ACACA: variants seen among roughly 807,000 people sequenced by gnomAD.
The protein encoded by ACACA is acetyl-CoA carboxylase alpha.
In ACACA, 103 loss-of-function variants were observed where a neutral mutation model predicts 296.1. That is an observed-to-expected ratio of 0.35 (90% CI 0.30 to 0.41). The LOEUF (loss-of-function observed/expected upper bound fraction) is 0.41. Ranked by LOEUF, ACACA falls within the 10% of genes least tolerant of loss-of-function variation. The pLI, the probability that ACACA is intolerant of heterozygous loss-of-function variation, is 1.00. For missense variants in ACACA, 1,554 were observed against 2,989.7 expected (o/e 0.52, Z 11.20); for synonymous variants, 953 against 1,038.6 (o/e 0.92, Z 1.58).
rs748601714 is a variant in ACACA, at chr17:37,087,293, C to A, written c.*23G>T. 1 of 1,613,812 alleles carries A rather than the reference C, an allele frequency of 6.2e-7. No individual in the cohort carries two copies. Among genetic ancestry groups the A allele is most frequent in the Non-Finnish European group, 8.5e-7 (1 of 1,180,024 alleles). Reference sequence around the variant, plus strand: ...CTAGCCCTTTTCTCCAGAGACAGGGCAGGGACAGGCAGGAAGCTCTTCCTA... The same window carrying A: ...CTAGCCCTTTTCTCCAGAGACAGGGAAGGGACAGGCAGGAAGCTCTTCCTA... On this transcript the variant is annotated 3_prime_UTR_variant, in exon 56 of 56. Transcript: ENST00000616317.
intron 48 of ACACA, among the ~76,000 whole-genome samples, chr17:37,123,980 C>T (rs2074651430): frequency 6.6e-6 from 1 of 152,180 alleles, no homozygotes; most frequent in South Asian, 2.1e-4. Context: ...CAGGCTAGCA[C>T]ATGAAGATGC....
chr17:37,350,824 C>T (rs1025970037), intron 1 of ACACA, among the ~76,000 whole-genome samples: 3 of 151,560 alleles, frequency 2.0e-5, no homozygotes, highest in African/African-American at 7.3e-5. Context: ...ACATGGCCCC[C>T]TTTTGTGCTT....
chr17:37,287,583 A>AAG (rs2082839505), intron 3 of ACACA, among the ~76,000 whole-genome samples: 1 of 145,738 alleles, frequency 6.9e-6, no homozygotes, highest in South Asian at 2.2e-4. Context: ...AAAAAAAAAA[A>AAG]AAAAAAACAA....
At position 37,274,518 on chromosome 17, in the gene ACACA, GAACT is replaced by G. The variant is rs1598377909; in HGVS notation, c.902-223_902-220del. 6.4e-6 allele frequency: 5 copies of G among 780,742 alleles called. No homozygotes were observed. In the Admixed American group the frequency reaches 1.9e-4, roughly 29 times the overall value. 48.4% of individuals were successfully genotyped at this position (780,742 alleles called of 1,614,324 possible). A position where few individuals can be genotyped will look rare whatever the true frequency, so the allele number is the denominator to read the frequency against. On this transcript the variant is annotated intron_variant, in intron 8 of 55. Transcript: ENST00000616317. Reference sequence around the variant, plus strand: ...TTCTTAACGCTGGCAAAAGCCAGCCGAACTAACAGGGAGCAACTTATAAAAATGC... The same window carrying G: ...TTCTTAACGCTGGCAAAAGCCAGCCGAACAGGGAGCAACTTATAAAAATGC...
intron 1 of ACACA, among the ~76,000 whole-genome samples, chr17:37,390,282 T>TATAATTATATATTATAC (rs1568095576): frequency 2.0e-5 from 1 of 51,194 alleles, no homozygotes; most frequent in South Asian, 7.0e-4. Context: ...ATATATTATA[T>TATAATTATATATTATAC]ATAATTATAT....
At chr17:37,370,593 G>A (rs1426245550) in intron 1 of ACACA, among the ~76,000 whole-genome samples, 2 of 151,544 alleles carry the variant, frequency 1.3e-5, no homozygotes, top group Non-Finnish European at 1.5e-5. Flanking sequence ...GGAGGTGGAC[G>A]TTGCAGTGAG....
intron 54 of ACACA, 22 bp from the exon 55 acceptor site, chr17:37,089,096 T>TCAAA (rs762673841): frequency 1.4e-5 from 22 of 1,614,032 alleles, no homozygotes; most frequent in African/African-American, 4.0e-5. Context: ...TGACTCTTGG[T>TCAAA]CAAACACCAG....
intron 16 of ACACA, among the ~76,000 whole-genome samples, 175 bp downstream of exon 16, chr17:37,251,830 A>G (rs1374725410): frequency 6.8e-6 from 1 of 146,574 alleles, no homozygotes; most frequent in Non-Finnish European, 1.5e-5. Flanking sequence ...TGACTCCCCA[A>G]ATAATTTGCC....
chr17:37,311,884 AAAGAAG>A (rs1167318236), intron 3 of ACACA, among the ~76,000 whole-genome samples: 23 of 151,780 alleles, frequency 1.5e-4, no homozygotes, highest in African/African-American at 5.6e-4. Context: ...AAAAAAAAAA[AAAGAAG>A]AAGAAGAAGG....
At chr17:37,208,545 T>C (rs1254251387) in intron 30 of ACACA, among the ~76,000 whole-genome samples, 1 of 152,118 alleles carries the variant, frequency 6.6e-6, no homozygotes, top group African/African-American at 2.4e-5. Flanking sequence ...AAATCTCCAT[T>C]GAAAGCCCTT....
chr17:37,273,416 C>A (rs1191646312), intron 9 of ACACA, among the ~76,000 whole-genome samples: 2 of 152,170 alleles, frequency 1.3e-5, no homozygotes, highest in Admixed American at 1.3e-4. Flanking sequence ...CATGGATAGA[C>A]AATAATTAAG....
chr17:37,209,507 T>C (rs1490424392), intron 30 of ACACA, among the ~76,000 whole-genome samples: 2 of 152,134 alleles, frequency 1.3e-5, no homozygotes, highest in Non-Finnish European at 2.9e-5. Context: ...CTGCTATGCT[T>C]GTGAACCAGG....
intron 29 of ACACA, among the ~76,000 whole-genome samples, chr17:37,216,845 C>G (rs886101238): frequency 6.7e-6 from 1 of 149,950 alleles, no homozygotes; most frequent in Non-Finnish European, 1.5e-5. Context: ...AAAAAAAAAA[C>G]AAAAACAAAA....
At chr17:37,223,337 A>G (rs1010924868) in intron 28 of ACACA, among the ~76,000 whole-genome samples, 175 bp downstream of exon 28, 3 of 152,214 alleles carry the variant, frequency 2.0e-5, no homozygotes, top group Admixed American at 2.0e-4. Flanking sequence ...TTCAGATGAA[A>G]CACTTGAGTA....
intron 45 of ACACA, among the ~76,000 whole-genome samples, chr17:37,137,994 ATT>A (rs1416317680): frequency 6.6e-6 from 1 of 152,172 alleles, no homozygotes; most frequent in Non-Finnish European, 1.5e-5. Flanking sequence ...ACCAACACTG[ATT>A]TCTCAATTTC....
At chr17:37,309,145 C>T (rs2084015649) in intron 3 of ACACA, among the ~76,000 whole-genome samples, 1 of 152,058 alleles carries the variant, frequency 6.6e-6, no homozygotes, top group African/African-American at 2.4e-5. Flanking sequence ...CCTCAGCCTT[C>T]CGAGTAGCTA....
intron 3 of ACACA, chr17:37,301,358 C>T (rs1218940351): frequency 5.1e-6 from 5 of 984,900 alleles, no homozygotes; most frequent in African/African-American, 1.7e-5. Flanking sequence ...CTACCATGAA[C>T]AGTGTCCAAC....
intron 3 of ACACA, among the ~76,000 whole-genome samples, chr17:37,296,394 C>T (rs954838640): frequency 6.8e-6 from 1 of 146,192 alleles, no homozygotes; most frequent in African/African-American, 2.6e-5. Context: ...CAAGCTCTGC[C>T]TCCTGGGTTC....
At chr17:37,141,071 C>T in intron 45 of ACACA, 1 of 433,748 alleles carries the variant, frequency 2.3e-6, no homozygotes, top group South Asian at 1.9e-5. Context: ...CCCAGACCAA[C>T]ATGGCCATTG....
Sources: allele counts gnomAD v4.1 joint callset (sites outside exome capture counted in the v4.1 genomes callset), GRCh38; gene constraint gnomAD v4.1.1; transcripts MANE v1.5; gene names NCBI Gene and HGNC (gene_info 2026-07-23, HGNC 2026-07-21).